The following SCHIP1 variants were observed in gnomAD, a reference collection of about 807,000 sequenced individuals.
The protein encoded by SCHIP1 is schwannomin interacting protein 1.
SCHIP1 carries 8 observed loss-of-function variants against 29.7 expected under a neutral mutation model. The observed-to-expected ratio is 0.27, with a 90% CI of 0.16 to 0.49. SCHIP1 has a LOEUF of 0.49. Among genes scored for constraint, SCHIP1 ranks in the 20% least tolerant of loss-of-function variants. The probability of loss-of-function intolerance (pLI) is 0.99; values close to 1 mark genes in which losing one functional copy is unlikely to be tolerated. For synonymous variants in SCHIP1, 76 were observed against 94.9 expected (o/e 0.80, Z 1.16); for missense variants, 193 against 294.6 (o/e 0.66, Z 2.52).
At chr3:159,529,922 C>A in the SCHIP1 span, among the ~76,000 whole-genome samples, 2 of 152,162 alleles carry the variant, frequency 1.3e-5, no homozygotes, top group Non-Finnish European at 2.9e-5. Context: ...CATATTGCTG[C>A]AAATGACAAG....
chr3:159,346,175 G>A, the SCHIP1 span, among the ~76,000 whole-genome samples: 3 of 145,654 alleles, frequency 2.1e-5, no homozygotes, highest in African/African-American at 5.1e-5. Flanking sequence ...GCAAGAGAAT[G>A]AGACTCTGTC....
the SCHIP1 span, among the ~76,000 whole-genome samples, chr3:159,294,535 C>T: frequency 6.6e-6 from 1 of 152,132 alleles, no homozygotes; most frequent in Non-Finnish European, 1.5e-5. Context: ...TCTGAAGTGG[C>T]ACACCATGAT....
chr3:159,777,179 C>T, the SCHIP1 span, among the ~76,000 whole-genome samples: 1 of 152,174 alleles, frequency 6.6e-6, no homozygotes, highest in South Asian at 2.1e-4. Context: ...GAATACTGCC[C>T]CTAGGCTACC....
At chr3:159,440,936 A>G in the SCHIP1 span, among the ~76,000 whole-genome samples, 1 of 152,206 alleles carries the variant, frequency 6.6e-6, no homozygotes, top group African/African-American at 2.4e-5. Context: ...CTGACCAGCT[A>G]CACACTGTAG....
the SCHIP1 span, among the ~76,000 whole-genome samples, chr3:159,715,746 C>T: frequency 4.6e-5 from 7 of 152,082 alleles, no homozygotes; most frequent in Admixed American, 6.5e-5. Flanking sequence ...AAATATGGGA[C>T]TATGTGAAAA....
Position 159,891,251 on chromosome 3 carries a change from G to A in SCHIP1, c.590-846G>A, listed in dbSNP as rs1312922271. Among the ~76,000 whole-genome samples, 3 of 152,086 alleles carry A rather than the reference G, an allele frequency of 2.0e-5. No individual in the cohort carries two copies. The East Asian group carries it at 5.8e-4, about 29-fold the overall frequency. On this transcript the variant is annotated intron_variant, in intron 5 of 6. Transcript: ENST00000445224. The stretch of plus-strand genomic sequence containing the variant: ...CCAGGCTTGGTGGCACATGCCCGTA[G>A]TTCCAGCTACTCGGAAGGCTGAGGC...
At chr3:159,539,791 T>A in the SCHIP1 span, among the ~76,000 whole-genome samples, 3 of 136,752 alleles carry the variant, frequency 2.2e-5, no homozygotes, top group African/African-American at 7.6e-5. Flanking sequence ...ACATGCACAC[T>A]ATTACAGCAC....
At chr3:159,725,396 G>A in the SCHIP1 span, among the ~76,000 whole-genome samples, 1 of 151,502 alleles carries the variant, frequency 6.6e-6, no homozygotes, top group African/African-American at 2.4e-5. Context: ...CAGCCTCCAA[G>A]TAGCTGGGAC....
At chr3:159,696,306 C>T in the SCHIP1 span, among the ~76,000 whole-genome samples, 7 of 152,150 alleles carry the variant, frequency 4.6e-5, no homozygotes, top group Admixed American at 4.6e-4. Flanking sequence ...TTCACACCTC[C>T]ATTATCTCAC....
chr3:159,377,901 A>C, the SCHIP1 span, among the ~76,000 whole-genome samples: 1 of 152,184 alleles, frequency 6.6e-6, no homozygotes, highest in Non-Finnish European at 1.5e-5. Flanking sequence ...GAAGATGGAC[A>C]TGTACATCTT....
chr3:159,682,575 G>C, the SCHIP1 span, among the ~76,000 whole-genome samples: 1 of 152,156 alleles, frequency 6.6e-6, no homozygotes, highest in African/African-American at 2.4e-5. Context: ...TAAATCTAGA[G>C]GGAAACTGTG....
the SCHIP1 span, among the ~76,000 whole-genome samples, chr3:159,760,661 A>G: frequency 1.6e-4 from 25 of 152,330 alleles, no homozygotes; most frequent in South Asian, 4.1e-3. Context: ...TGAATGAGGG[A>G]AATTGTCCCC....
chr3:159,552,599 C>A, the SCHIP1 span, among the ~76,000 whole-genome samples: 1 of 152,132 alleles, frequency 6.6e-6, no homozygotes, highest in East Asian at 1.9e-4. Context: ...TTACATATAG[C>A]CACCGTGTCC....
chr3:159,277,930 AG>A, the SCHIP1 span, among the ~76,000 whole-genome samples: 1 of 151,822 alleles, frequency 6.6e-6, no homozygotes, highest in Non-Finnish European at 1.5e-5. Flanking sequence ...AAAAAAAAAA[AG>A]GATGGAGCTA....
chr3:159,530,941 T>A, the SCHIP1 span, among the ~76,000 whole-genome samples: 1 of 152,200 alleles, frequency 6.6e-6, no homozygotes, highest in South Asian at 2.1e-4. Context: ...TGTGATAGCA[T>A]CAGCCACATT....
the SCHIP1 span, among the ~76,000 whole-genome samples, chr3:159,492,859 G>A: frequency 1.4e-4 from 21 of 152,238 alleles, no homozygotes; most frequent in African/African-American, 4.6e-4. Flanking sequence ...GAGAAAGGTC[G>A]GGTTACCCAC....
intron 6 of SCHIP1, among the ~76,000 whole-genome samples, chr3:159,896,436 T>C (rs2109558746): frequency 6.6e-6 from 1 of 152,346 alleles, no homozygotes; most frequent in Non-Finnish European, 1.5e-5. Flanking sequence ...CAGATGTTTA[T>C]TTATTTTCAT....
the SCHIP1 span, among the ~76,000 whole-genome samples, chr3:159,683,121 T>C: frequency 2.0e-5 from 3 of 152,268 alleles, no homozygotes; most frequent in African/African-American, 7.2e-5. Flanking sequence ...TTGCCCAGGC[T>C]GGAGTGCAAC....
the SCHIP1 span, among the ~76,000 whole-genome samples, chr3:159,741,476 G>C: frequency 6.6e-6 from 1 of 152,162 alleles, no homozygotes; most frequent in Non-Finnish European, 1.5e-5. Flanking sequence ...GTATAAAATT[G>C]CTGAGTAGAC....
Sources: allele counts gnomAD v4.1 joint callset (sites outside exome capture counted in the v4.1 genomes callset), GRCh38; gene constraint gnomAD v4.1.1; transcripts MANE v1.5; gene names NCBI Gene and HGNC (gene_info 2026-07-23, HGNC 2026-07-21).